Variants in VAV3 observed in about 807,000 individuals in gnomAD.
VAV3 encodes the protein vav guanine nucleotide exchange factor 3.
Under a neutral mutation model 131.2 loss-of-function variants are expected in VAV3, and 94 were observed. That is an observed-to-expected ratio of 0.72 (90% CI 0.61 to 0.85). VAV3 has a LOEUF of 0.85. Ranked by LOEUF, VAV3 falls within the 40% of genes least tolerant of loss-of-function variation. The pLI is 0.00. For missense variants in VAV3, 939 were observed against 1,002.7 expected (o/e 0.94, Z 0.86); for synonymous variants, 349 against 342.0 (o/e 1.02, Z -0.22).
chr1:107,963,434 T>C (rs1243138960), intron 1 of VAV3: 3 of 152,184 alleles, frequency 2.0e-5, no homozygotes, highest in Non-Finnish European at 4.4e-5. Context: ...TTTAAATACG[T>C]ATGGCTCTCC....
intron 2 of VAV3, among the ~76,000 whole-genome samples, chr1:107,873,127 T>G (rs1345146358): frequency 5.3e-5 from 8 of 152,158 alleles, no homozygotes; most frequent in African/African-American, 1.9e-4. Flanking sequence ...GATCTACCAC[T>G]GCTAAAATAT....
chr1:107,593,651 A>G (rs1057010629), intron 25 of VAV3, among the ~76,000 whole-genome samples: 9 of 152,156 alleles, frequency 5.9e-5, no homozygotes, highest in Admixed American at 1.3e-4. Context: ...CTATACAAAC[A>G]TGCAGCATTT....
intron 15 of VAV3, among the ~76,000 whole-genome samples, chr1:107,726,762 A>T (rs1309359321): frequency 6.6e-6 from 1 of 152,180 alleles, no homozygotes; most frequent in Non-Finnish European, 1.5e-5. Flanking sequence ...ATAGATTTTG[A>T]TTATTTTAGC....
At chr1:107,796,856 T>C (rs1411600385) in intron 2 of VAV3, among the ~76,000 whole-genome samples, 1 of 151,264 alleles carries the variant, frequency 6.6e-6, no homozygotes, top group Non-Finnish European at 1.5e-5. Flanking sequence ...AAATCATAAG[T>C]GCATACTGAT....
intron 1 of VAV3, among the ~76,000 whole-genome samples, chr1:107,959,271 A>T (rs2085718): frequency 0.27 from 34,384 of 125,852 alleles, 4,413 homozygotes; most frequent in South Asian, 0.38. Flanking sequence ...AAAAATAAAT[A>T]AATTAATTAA....
At chr1:107,699,432 T>C (rs1243250496) in intron 17 of VAV3, among the ~76,000 whole-genome samples, 1 of 152,228 alleles carries the variant, frequency 6.6e-6, no homozygotes, top group Non-Finnish European at 1.5e-5. Flanking sequence ...ACAGCCCCCC[T>C]CCTGGCTGCT....
intron 1 of VAV3, among the ~76,000 whole-genome samples, chr1:107,923,175 T>TA (rs1199314086): frequency 4.6e-5 from 7 of 152,154 alleles, no homozygotes; most frequent in African/African-American, 1.7e-4. Flanking sequence ...TTGCCTTTTC[T>TA]AAAACTGTAT....
intron 2 of VAV3, among the ~76,000 whole-genome samples, chr1:107,802,718 T>C (rs1393018775): frequency 6.6e-6 from 1 of 152,160 alleles, no homozygotes; most frequent in Non-Finnish European, 1.5e-5. Flanking sequence ...GTCTTTTTAA[T>C]GTGTTGCTGA....
intron 21 of VAV3, among the ~76,000 whole-genome samples, chr1:107,610,682 C>G (rs1020157233): frequency 5.3e-5 from 8 of 151,892 alleles, no homozygotes; most frequent in Middle Eastern, 3.2e-3. Context: ...GCTATTCAAA[C>G]AAAGAAAGAA....
rs151040052 is a variant in VAV3 at position 107,656,020 on chromosome 1, C to A, written c.1778-13265G>T. On this transcript the variant is annotated intron_variant, in intron 19 of 26. Coordinates refer to ENST00000370056, the MANE Select transcript of VAV3 (RefSeq NM_006113.5). ...TTGGTGGTAATGCTAATTAGTACAG[C>A]CCCTATGGAAAATAGTATAGAGCCT... Among the ~76,000 whole-genome samples the A allele has an allele frequency of 1.6e-4, 25 of 152,114 alleles. No individual in the cohort carries two copies. The East Asian group carries it at 4.8e-3, about 29-fold the overall frequency.
intron 1 of VAV3, among the ~76,000 whole-genome samples, chr1:107,902,853 C>T (rs1324001892): frequency 2.0e-5 from 3 of 152,100 alleles, no homozygotes; most frequent in Non-Finnish European, 4.4e-5. Context: ...TATATCCATA[C>T]CCGTATTTGC....
chr1:107,677,141 T>C (rs1658268987), intron 19 of VAV3, among the ~76,000 whole-genome samples: 1 of 152,236 alleles, frequency 6.6e-6, no homozygotes, highest in African/African-American at 2.4e-5. Flanking sequence ...ATGAGTCATT[T>C]TGACAGAAAT....
At chr1:107,616,210 G>C (rs900226390) in intron 21 of VAV3, among the ~76,000 whole-genome samples, 6 of 152,090 alleles carry the variant, frequency 3.9e-5, no homozygotes, top group Non-Finnish European at 8.8e-5. Context: ...ATATGTTTCA[G>C]GATAAAGAAA....
chr1:107,952,435 C>T (rs1376527387), intron 1 of VAV3, among the ~76,000 whole-genome samples: 2 of 141,784 alleles, frequency 1.4e-5, no homozygotes, highest in African/African-American at 2.7e-5. Flanking sequence ...ATGTAACAAA[C>T]CTGCACATGT....
chr1:107,772,387 C>A (rs1218653887), intron 5 of VAV3, among the ~76,000 whole-genome samples: 1 of 151,882 alleles, frequency 6.6e-6, no homozygotes, highest in African/African-American at 2.4e-5. Flanking sequence ...GAAAAATTTA[C>A]CTGTGTTGTA....
chr1:107,738,031 A>G (rs1195013251), intron 15 of VAV3, among the ~76,000 whole-genome samples: 3 of 152,248 alleles, frequency 2.0e-5, no homozygotes, highest in African/African-American at 7.2e-5. Flanking sequence ...CAGCCATAAA[A>G]AAGGATGAGT....
chr1:107,675,444 C>T (rs1658133029), intron 19 of VAV3, among the ~76,000 whole-genome samples: 1 of 152,088 alleles, frequency 6.6e-6, no homozygotes, highest in Non-Finnish European at 1.5e-5. Context: ...CAGATCTGTG[C>T]CACTGTAGAA....
rs1663577260 is a variant in VAV3, at chr1:107,749,557, T to TA, written c.1296dup (p.Lys433Ter). ...ATTTCATAGTTATCACCTTTTCTCT[T>TA]ACATACGATCACTGCCAAATCAAAT... On this transcript the variant is annotated frameshift_variant, in exon 14 of 27. Coordinates refer to ENST00000370056, the MANE Select transcript of VAV3 (RefSeq NM_006113.5). LOFTEE classifies it high-confidence loss of function. 6.2e-7 allele frequency: 1 copy of TA among 1,611,590 alleles called. No individual in the cohort carries two copies. The highest frequency in any genetic ancestry group is 8.5e-7 in the Non-Finnish European group (1 of 1,179,280).
chr1:107,710,946 A>G (rs1660748680), intron 15 of VAV3, among the ~76,000 whole-genome samples: 1 of 152,166 alleles, frequency 6.6e-6, no homozygotes, highest in South Asian at 2.1e-4. Flanking sequence ...AAGAATATCA[A>G]ACTAAAGATA....
Sources: allele counts gnomAD v4.1 joint callset (sites outside exome capture counted in the v4.1 genomes callset), GRCh38; gene constraint gnomAD v4.1.1; transcripts MANE v1.5; gene names NCBI Gene and HGNC (gene_info 2026-07-23, HGNC 2026-07-21).